The following RHOBTB3 variants were observed in gnomAD, a reference collection of about 807,000 sequenced individuals.
The protein encoded by RHOBTB3 is rho-related BTB domain-containing protein 3.
Under a neutral mutation model 67.2 loss-of-function variants are expected in RHOBTB3, and 47 were observed. The observed-to-expected ratio is 0.70, with a 90% CI of 0.55 to 0.89. RHOBTB3 has a LOEUF of 0.89. Ranked by LOEUF, RHOBTB3 falls within the 40% of genes least tolerant of loss-of-function variation. RHOBTB3 has a pLI of 0.00. For missense variants in RHOBTB3, 631 were observed against 750.0 expected, an observed-to-expected ratio of 0.84 and a Z score of 1.85; for synonymous variants, 273 against 274.2, an observed-to-expected ratio of 1.00 and a Z score of 0.04.
At chr5:95,769,134 C>A in intron 8 of RHOBTB3, 1 of 366,324 alleles carries the variant, frequency 2.7e-6, no homozygotes, top group South Asian at 2.7e-5. Flanking sequence ...ACCTTTTAGC[C>A]GATGCCGTAG....
rs1021265666 is a variant in RHOBTB3 at position 95,776,232 on chromosome 5, C to T, written c.1283-4020C>T. On this transcript the variant is annotated intron_variant, in intron 8 of 11. Coordinates refer to ENST00000379982, the MANE Select transcript of RHOBTB3 (RefSeq NM_014899.4). ...GACCAGCCTGGCCAACATGGTGAAA[C>T]CCCATCCCTATTAAAAATACAAAAA... Among the ~76,000 whole-genome samples, 5 of 151,902 alleles carry T rather than the reference C, an allele frequency of 3.3e-5. No individual in the cohort carries two copies. The South Asian group carries it at 1.0e-3, about 32-fold the overall frequency.
At chr5:95,778,650 C>T (rs1392736321) in intron 8 of RHOBTB3, among the ~76,000 whole-genome samples, 1 of 152,144 alleles carries the variant, frequency 6.6e-6, no homozygotes, top group Non-Finnish European at 1.5e-5. Context: ...ATAGATCATC[C>T]AGTTTATTTA....
At chr5:95,767,289 C>T (rs1335710977) in intron 7 of RHOBTB3, among the ~76,000 whole-genome samples, 2 of 151,654 alleles carry the variant, frequency 1.3e-5, no homozygotes, top group African/African-American at 4.8e-5. Context: ...AAATGTTAAG[C>T]TAGTAAGTAG....
intron 3 of RHOBTB3, among the ~76,000 whole-genome samples, chr5:95,743,541 A>G (rs956394296): frequency 1.3e-5 from 2 of 151,682 alleles, no homozygotes. Context: ...TCATTCTCTC[A>G]AGCACTCCTA....
chr5:95,763,021 T>G (rs185876133), intron 6 of RHOBTB3, among the ~76,000 whole-genome samples: 1 of 152,270 alleles, frequency 6.6e-6, no homozygotes, highest in African/African-American at 2.4e-5. Flanking sequence ...TAGAGTTGGC[T>G]CTCAAGCATC....
intron 5 of RHOBTB3, among the ~76,000 whole-genome samples, chr5:95,754,492 A>G (rs537525736): frequency 6.6e-6 from 1 of 152,312 alleles, no homozygotes; most frequent in South Asian, 2.1e-4. Flanking sequence ...TTTGGAATCA[A>G]GCATTTTTAT....
intron 5 of RHOBTB3, 51 bp downstream of exon 5, chr5:95,752,401 C>A: frequency 1.7e-6 from 2 of 1,176,524 alleles, no homozygotes; most frequent in South Asian, 1.3e-5. Flanking sequence ...CATTACAGAT[C>A]CTTTCTCACA....
At chr5:95,738,307 T>C (rs1455504333) in intron 3 of RHOBTB3, among the ~76,000 whole-genome samples, 1 of 152,204 alleles carries the variant, frequency 6.6e-6, no homozygotes, top group Non-Finnish European at 1.5e-5. Context: ...CTGCACTTCC[T>C]GAGTCCATTT....
In RHOBTB3 at chr5:95,750,501, A is replaced by G. The variant is rs1002044428; in HGVS notation, c.571-1738A>G. ...ATATGAACCATATTTTAGGTGCTCT[A>G]TGGCTACATGTGGCTAGTGGCTACT... On this transcript the variant is annotated intron_variant, in intron 4 of 11. Coordinates refer to ENST00000379982, the MANE Select transcript of RHOBTB3 (RefSeq NM_014899.4). Among the ~76,000 whole-genome samples the G allele has an allele frequency of 5.9e-5, 9 of 152,366 alleles. No individual in the cohort carries two copies. In the East Asian group the frequency reaches 1.7e-3, roughly 29 times the overall value.
In RHOBTB3 at chr5:95,775,862, A is replaced by G. The variant is rs187255608; in HGVS notation, c.1283-4390A>G. On this transcript the variant is annotated intron_variant, in intron 8 of 11. Transcript: ENST00000379982. The stretch of plus-strand genomic sequence containing the variant: ...TAAATTTATGTCAAACTTAAGACAG[A>G]CCCTCAAAGTAAGGATCAGTAATCA... Among the ~76,000 whole-genome samples, 6 of 152,322 alleles carry G rather than the reference A, an allele frequency of 3.9e-5. No homozygotes were observed. In the East Asian group the frequency reaches 9.6e-4, roughly 24 times the overall value.
rs1162808633 is a variant in RHOBTB3 at position 95,794,223 on chromosome 5, C to T, written c.*1049C>T. 6.8e-6 allele frequency: 2 copies of T among 295,964 alleles called. No individual in the cohort carries two copies. The highest frequency in any genetic ancestry group is 4.4e-5 in the African/African-American group (2 of 45,690). The allele number at this position is 295,964 out of a possible 1,614,324, so 18.3% of individuals were successfully genotyped here. On this transcript the variant is annotated 3_prime_UTR_variant, in exon 12 of 12. Transcript: ENST00000379982. ...ATAGATGAACAAATACTTTCTTGAT[C>T]ATTCTGTAAGACCAGGAGGTTGGTA...
Position 95,731,521 on chromosome 5 carries a change from G to A in RHOBTB3, c.-162G>A, listed in dbSNP as rs949540901. The A allele has an allele frequency of 3.1e-6, 4 of 1,294,016 alleles. No individual in the cohort carries two copies. In the African/African-American group the frequency reaches 6.3e-5, roughly 20 times the overall value. The allele number at this position is 1,294,016 out of a possible 1,614,324, so 80.2% of individuals were successfully genotyped here. On this transcript the variant is annotated 5_prime_UTR_variant, in exon 1 of 12. Coordinates refer to ENST00000379982, the MANE Select transcript of RHOBTB3 (RefSeq NM_014899.4). Reference sequence around the variant, plus strand: ...CCCGGCTCGCTCGCTGGCTGGCGCGGCCCCGGCCCCGCTCTGCGTCGGCCC... The same window carrying A: ...CCCGGCTCGCTCGCTGGCTGGCGCGACCCCGGCCCCGCTCTGCGTCGGCCC...
At chr5:95,732,969 T>G (rs1755338407) in intron 2 of RHOBTB3, among the ~76,000 whole-genome samples, 1 of 152,198 alleles carries the variant, frequency 6.6e-6, no homozygotes, top group Non-Finnish European at 1.5e-5. Context: ...GAAAGTTTAG[T>G]GCCTGAAAAG....
chr5:95,768,507 A>G (rs1745613230), intron 8 of RHOBTB3, among the ~76,000 whole-genome samples: 1 of 151,984 alleles, frequency 6.6e-6, no homozygotes, highest in Non-Finnish European at 1.5e-5. Context: ...TCTGGAGCTA[A>G]CCCCCTTAAA....
In RHOBTB3 at chr5:95,793,232, C is replaced by G; in HGVS notation, c.*58C>G. On this transcript the variant is annotated 3_prime_UTR_variant, in exon 12 of 12. Transcript: ENST00000379982. ...ATTATTATGAAGAATGGGATACCTC[C>G]AGGTTCCAGTAAAATTCTTCTGACC... 1 of 1,132,226 alleles carries G rather than the reference C, an allele frequency of 8.8e-7. No homozygotes were observed. Among genetic ancestry groups the G allele is most frequent in the Non-Finnish European group, 1.3e-6 (1 of 780,766 alleles). The allele number at this position is 1,132,226 out of a possible 1,614,324, so 70.1% of individuals were successfully genotyped here. A position where few individuals can be genotyped will look rare whatever the true frequency, so the allele number is the denominator to read the frequency against.
chr5:95,729,224 G>A (rs1251281759), upstream of RHOBTB3, among the ~76,000 whole-genome samples: 3 of 151,942 alleles, frequency 2.0e-5, no homozygotes, highest in Non-Finnish European at 4.4e-5. Flanking sequence ...TGAATTCTTC[G>A]CTGGAGGTCC....
intron 1 of RHOBTB3, among the ~76,000 whole-genome samples, chr5:95,724,025 T>TA (rs1754975243): frequency 6.6e-6 from 1 of 152,264 alleles, no homozygotes; most frequent in Admixed American, 6.5e-5. Flanking sequence ...TTAATGGTGA[T>TA]ACGTCATTTG....
chr5:95,727,178 T>C (rs1755082011), upstream of RHOBTB3, among the ~76,000 whole-genome samples: 2 of 152,244 alleles, frequency 1.3e-5, no homozygotes, highest in African/African-American at 4.8e-5. Context: ...ACTGCTCTGA[T>C]TGGCTTTAAG....
intron 6 of RHOBTB3, among the ~76,000 whole-genome samples, chr5:95,756,866 C>A (rs1745261319): frequency 6.6e-6 from 1 of 152,116 alleles, no homozygotes; most frequent in Non-Finnish European, 1.5e-5. Context: ...CTTTAAAAAA[C>A]ATCCAAAATA....
Sources: allele counts gnomAD v4.1 joint callset (sites outside exome capture counted in the v4.1 genomes callset), GRCh38; gene constraint gnomAD v4.1.1; transcripts MANE v1.5; gene names NCBI Gene and HGNC (gene_info 2026-07-23, HGNC 2026-07-21).